Variants in ZMYND8 observed in about 807,000 individuals in gnomAD.
ZMYND8 encodes the protein zinc finger MYND-type containing 8, also known as MYND-type zinc finger-containing chromatin reader ZMYND8.
In ZMYND8, 37 loss-of-function variants were observed where a neutral mutation model predicts 140.8. The ratio of observed to expected loss-of-function variants is 0.26; its 90% CI spans 0.20 to 0.35. The LOEUF is 0.35. ZMYND8 is among the 10% of genes least tolerant of loss of function. The probability of loss-of-function intolerance (pLI) is 1.00; values close to 1 mark genes in which losing one functional copy is unlikely to be tolerated. For missense variants in ZMYND8, 1,068 were observed against 1,570.0 expected (o/e 0.68, Z 5.40); for synonymous variants, 592 against 597.1 (o/e 0.99, Z 0.12).
intron 19 of ZMYND8, 61 bp from the exon 20 acceptor site, chr20:47,221,535 T>C (rs968977768): frequency 1.3e-6 from 2 of 1,565,672 alleles, no homozygotes; most frequent in Non-Finnish European, 8.6e-7. Context: ...TTTTGAAACA[T>C]GCATGGAGCC....
chr20:47,309,584 G>A (rs2078761383), intron 3 of ZMYND8, among the ~76,000 whole-genome samples: 1 of 152,102 alleles, frequency 6.6e-6, no homozygotes, highest in African/African-American at 2.4e-5. Flanking sequence ...TGGGGTTACA[G>A]GCATGAGTCA....
At chr20:47,283,052 C>G (rs1034218076) in intron 9 of ZMYND8, among the ~76,000 whole-genome samples, 1 of 152,116 alleles carries the variant, frequency 6.6e-6, no homozygotes, top group Non-Finnish European at 1.5e-5. Context: ...CCAACCCCAC[C>G]CCCAACACAC....
chr20:47,328,110 C>T (rs1386232248), intron 2 of ZMYND8, among the ~76,000 whole-genome samples: 1 of 152,090 alleles, frequency 6.6e-6, no homozygotes, highest in Non-Finnish European at 1.5e-5. Flanking sequence ...CCATGACTAC[C>T]CTAGATCATT....
At chr20:47,249,541 G>T in intron 12 of ZMYND8, 102 bp from the exon 13 acceptor site, 1 of 1,458,386 alleles carries the variant, frequency 6.9e-7, no homozygotes, top group South Asian at 1.4e-5. Flanking sequence ...TTTAGAACAT[G>T]GGGGAGGGGG....
intron 13 of ZMYND8, 77 bp from the exon 14 acceptor site, chr20:47,246,594 C>T (rs2040595219): frequency 1.3e-6 from 2 of 1,498,400 alleles, no homozygotes; most frequent in African/African-American, 1.4e-5. Context: ...AACATTTTTC[C>T]ACACCAAATG....
At chr20:47,317,949 A>C (rs1176596272) in intron 2 of ZMYND8, among the ~76,000 whole-genome samples, 1 of 152,174 alleles carries the variant, frequency 6.6e-6, no homozygotes, top group Non-Finnish European at 1.5e-5. Flanking sequence ...CTCTTAGTAT[A>C]ATACCTGGCA....
chr20:47,276,171 G>A, intron 11 of ZMYND8, 143 bp downstream of exon 11: 13 of 1,200,562 alleles, frequency 1.1e-5, no homozygotes, highest in Non-Finnish European at 1.4e-5. Context: ...CTCCACTGGT[G>A]ACTTCTTGAA....
intron 2 of ZMYND8, among the ~76,000 whole-genome samples, chr20:47,343,432 C>G (rs1023836591): frequency 2.0e-5 from 3 of 152,136 alleles, no homozygotes; most frequent in African/African-American, 7.2e-5. Flanking sequence ...TATAAAGTAA[C>G]CATCCCAGAG....
At chr20:47,255,005 G>A (rs753206296) in intron 12 of ZMYND8, among the ~76,000 whole-genome samples, 12 of 152,220 alleles carry the variant, frequency 7.9e-5, no homozygotes, top group East Asian at 3.9e-4. Context: ...TTAGCCGGAC[G>A]TAGTGGCGCG....
intron 2 of ZMYND8, among the ~76,000 whole-genome samples, chr20:47,330,094 G>T (rs1374335201): frequency 2.0e-5 from 3 of 152,192 alleles, no homozygotes; most frequent in Non-Finnish European, 4.4e-5. Context: ...GAGAGGGCTT[G>T]GGTCTCCATG....
At chr20:47,336,908 C>A (rs2081426266) in intron 2 of ZMYND8, among the ~76,000 whole-genome samples, 1 of 152,158 alleles carries the variant, frequency 6.6e-6, no homozygotes, top group Admixed American at 6.5e-5. Flanking sequence ...CCCCTGCATC[C>A]CCAGATGCCA....
intron 5 of ZMYND8, 104 bp from the exon 6 acceptor site, chr20:47,291,992 A>C (rs1237665186): frequency 1.0e-6 from 1 of 983,734 alleles, no homozygotes; most frequent in Non-Finnish European, 1.5e-6. Flanking sequence ...CTTTTCAGAC[A>C]ATATAGTTCT....
intron 2 of ZMYND8, among the ~76,000 whole-genome samples, chr20:47,315,466 G>A (rs1162594099): frequency 6.6e-6 from 1 of 152,100 alleles, no homozygotes; most frequent in East Asian, 1.9e-4. Context: ...GAAGAATTAG[G>A]AAATGCCTGC....
chr20:47,319,564 G>C, intron 2 of ZMYND8: 1 of 159,008 alleles, frequency 6.3e-6, no homozygotes, highest in Non-Finnish European at 1.4e-5. Flanking sequence ...TAATGCAGAA[G>C]TGGTGATTAA....
At chr20:47,262,005 A>C (rs1006336687) in intron 12 of ZMYND8, among the ~76,000 whole-genome samples, 1 of 151,954 alleles carries the variant, frequency 6.6e-6, no homozygotes, top group Admixed American at 6.6e-5. Flanking sequence ...CAGGAGGCGG[A>C]GGTTGCAGGG....
rs184348600 is a variant in ZMYND8 at position 47,245,566 on chromosome 20, G to A, written c.2284+442C>T. The stretch of plus-strand genomic sequence containing the variant: ...CAGCTTGAAATGAACACTCCTAACC[G>A]TTTGAGACTTGTCAAAAGAGAATGA... On this transcript the variant is annotated intron_variant, in intron 14 of 22. Coordinates refer to ENST00000471951, the MANE Select transcript of ZMYND8 (RefSeq NM_001281775.3). Among the ~76,000 whole-genome samples, 87 of 152,242 alleles carry A rather than the reference G, an allele frequency of 5.7e-4. 1 individual carries two copies. In the East Asian group the frequency reaches 0.015, roughly 27 times the overall value.
At chr20:47,245,889 T>C (rs2040509398) in intron 14 of ZMYND8, 119 bp downstream of exon 14, 3 of 1,410,552 alleles carry the variant, frequency 2.1e-6, no homozygotes, top group Non-Finnish European at 2.9e-6. Flanking sequence ...CTCAGTGTGT[T>C]AGAGGGTCAC....
chr20:47,292,025 C>T (rs771415199), intron 5 of ZMYND8, 137 bp from the exon 6 acceptor site: 37 of 628,150 alleles, frequency 5.9e-5, no homozygotes, highest in Non-Finnish European at 8.5e-5. Context: ...AAAGGATGAC[C>T]GTGGGGAGCT....
chr20:47,349,070 C>T (rs1214997147), intron 1 of ZMYND8: 1 of 152,108 alleles, frequency 6.6e-6, no homozygotes, highest in East Asian at 1.9e-4. Flanking sequence ...GAGAATGTTC[C>T]GTGGTCTGGG....
Sources: gnomAD v4.1 joint callset for allele counts (sites outside exome capture counted in the v4.1 genomes callset) on GRCh38, gnomAD v4.1.1 for gene constraint, MANE v1.5 for transcripts, NCBI Gene and HGNC (gene_info 2026-07-23, HGNC 2026-07-21) for gene names.